Variants in EYS observed in about 807,000 individuals in gnomAD.
EYS encodes the protein protein eyes shut homolog.
In EYS, 250 loss-of-function variants were observed where a neutral mutation model predicts 282.1. The observed-to-expected ratio is 0.89, with a 90% CI of 0.80 to 0.98. The LOEUF is 0.98. Ranked by LOEUF, EYS falls within the 50% of genes least tolerant of loss-of-function variation. EYS has a pLI of 0.00. For missense variants in EYS, 4,016 were observed against 3,709.0 expected, an observed-to-expected ratio of 1.08 and a Z score of -2.15; for synonymous variants, 1,355 against 1,282.9, an observed-to-expected ratio of 1.06 and a Z score of -1.20.
At chr6:65,472,091 C>A (rs1301345105) in intron 5 of EYS, among the ~76,000 whole-genome samples, 1 of 152,044 alleles carries the variant, frequency 6.6e-6, no homozygotes, top group African/African-American at 2.4e-5. Flanking sequence ...ATCATATTGT[C>A]AGTTTCCATG....
At position 64,436,199 on chromosome 6, in the gene EYS, C is replaced by T. The variant is rs992864714; in HGVS notation, c.5902G>A (p.Gly1968Arg). 2.7e-5 allele frequency: 42 copies of T among 1,541,502 alleles called. No homozygotes were observed. Among genetic ancestry groups the T allele is most frequent in the East Asian group, 1.2e-4 (5 of 40,634 alleles). Reference sequence around the variant, plus strand: ...CTGATAAGCAGTGTATACTTTTGCCCGTTGTCCACTCTAACAGTAGTATTA... The same window carrying T: ...CTGATAAGCAGTGTATACTTTTGCCTGTTGTCCACTCTAACAGTAGTATTA... ...SINTTVRVDNGQKYTLLIRQE... is the reference protein window; with the variant it reads ...SINTTVRVDNRQKYTLLIRQE... Residue 1968 changes from glycine (G) to arginine (R), a missense_variant, in exon 28 of 43, where the codon GGG becomes AGG. Gly to Arg is a moderately radical substitution (Grantham distance 125). Coordinates refer to ENST00000503581, the MANE Select transcript of EYS (RefSeq NM_001142800.2).
intron 12 of EYS, among the ~76,000 whole-genome samples, chr6:65,196,494 T>G (rs1229486260): frequency 6.6e-6 from 1 of 152,112 alleles, no homozygotes; most frequent in East Asian, 1.9e-4. Flanking sequence ...ACTCATTCAA[T>G]CACCTGCATA....
At chr6:65,465,419 G>A (rs746486433) in intron 5 of EYS, among the ~76,000 whole-genome samples, 4 of 152,106 alleles carry the variant, frequency 2.6e-5, no homozygotes, top group Non-Finnish European at 4.4e-5. Context: ...CCAGGTGGCA[G>A]TGAGCCACGA....
Position 63,863,638 on chromosome 6 carries a change from T to TTTTTCTTTTCTTTTC in EYS, c.7228+533_7228+547dup, listed in dbSNP as rs144436872. ...AACCTCAGGGAAAACTCATTACCACTTTTTCTTTTCTTTTCTTTTCTTTTC... is the reference window on the plus strand; with the variant it reads ...AACCTCAGGGAAAACTCATTACCACTTTTTCTTTTCTTTTCTTTTCTTTTCTTTTCTTTTCTTTTC... On this transcript the variant is annotated intron_variant, in intron 36 of 42. Coordinates refer to ENST00000503581, the MANE Select transcript of EYS (RefSeq NM_001142800.2). Among the ~76,000 whole-genome samples the TTTTTCTTTTCTTTTC allele has an allele frequency of 3.4e-4, 42 of 123,732 alleles. 10 individuals carry two copies. Among genetic ancestry groups the TTTTTCTTTTCTTTTC allele is most frequent in the East Asian group, 1.6e-3 (7 of 4,308 alleles). The allele number at this position is 123,732 out of a possible 152,430, so 81.2% of individuals were successfully genotyped here. A position where few individuals can be genotyped will look rare whatever the true frequency, so the allele number is the denominator to read the frequency against.
Position 65,105,767 on chromosome 6 carries a change from G to A in EYS, c.2024-48040C>T, listed in dbSNP as rs189270965. Reference sequence around the variant, plus strand: ...AAGAGATTCAGAGAAAAAGTCATGAGTATGTGATTCCTCTTTGAGGAGACA... The same window carrying A: ...AAGAGATTCAGAGAAAAAGTCATGAATATGTGATTCCTCTTTGAGGAGACA... On this transcript the variant is annotated intron_variant, in intron 12 of 42. Transcript: ENST00000503581. Among the ~76,000 whole-genome samples the A allele has an allele frequency of 2.8e-4, 43 of 152,010 alleles. No individual in the cohort carries two copies. In the East Asian group the frequency reaches 8.3e-3, roughly 29 times the overall value.
chr6:63,790,218 T>A (rs755527695), intron 37 of EYS, among the ~76,000 whole-genome samples: 3 of 152,130 alleles, frequency 2.0e-5, no homozygotes, highest in Non-Finnish European at 4.4e-5. Context: ...CCTTCTGCAT[T>A]TATAGGAATG....
chr6:64,939,221 T>C (rs1038078967), intron 15 of EYS, among the ~76,000 whole-genome samples: 2 of 151,772 alleles, frequency 1.3e-5, no homozygotes, highest in African/African-American at 2.4e-5. Flanking sequence ...AGAAGCACAT[T>C]CAGAAAATCT....
At chr6:65,260,022 A>G (rs1767579078) in intron 12 of EYS, among the ~76,000 whole-genome samples, 1 of 152,040 alleles carries the variant, frequency 6.6e-6, no homozygotes, top group African/African-American at 2.4e-5. Flanking sequence ...GGTAATTTGT[A>G]AAGTAAAGAG....
intron 31 of EYS, among the ~76,000 whole-genome samples, chr6:64,209,303 AAG>A (rs1475198803): frequency 1.3e-5 from 2 of 152,184 alleles, no homozygotes; most frequent in Non-Finnish European, 2.9e-5. Context: ...TAATATTTCA[AAG>A]AGAGCATAAT....
At chr6:65,077,474 G>C (rs112272157) in intron 12 of EYS, among the ~76,000 whole-genome samples, 1,745 of 152,158 alleles carry the variant, frequency 0.011, 31 homozygotes, top group African/African-American at 0.038. Context: ...ATGGTATTAA[G>C]AGAAAATTTA....
chr6:64,462,606 A>G (rs1775783434), intron 26 of EYS, among the ~76,000 whole-genome samples: 1 of 152,090 alleles, frequency 6.6e-6, no homozygotes, highest in African/African-American at 2.4e-5. Flanking sequence ...GCTATCAATC[A>G]TCATGCTTCA....
intron 22 of EYS, among the ~76,000 whole-genome samples, chr6:64,758,459 A>G (rs1290078774): frequency 6.6e-6 from 1 of 152,112 alleles, no homozygotes; most frequent in African/African-American, 2.4e-5. Flanking sequence ...TAGAGACATG[A>G]CTAGACTCAA....
chr6:65,306,043 T>C (rs1216844244), intron 11 of EYS, among the ~76,000 whole-genome samples: 1 of 152,232 alleles, frequency 6.6e-6, no homozygotes. Context: ...TCATATCACC[T>C]CAAGGTTTAG....
intron 12 of EYS, among the ~76,000 whole-genome samples, chr6:65,257,944 CTG>C (rs1457279853): frequency 2.6e-5 from 4 of 151,596 alleles, no homozygotes. Context: ...GATCAGGTGA[CTG>C]TAGTCAACAA....
intron 33 of EYS, among the ~76,000 whole-genome samples, chr6:64,039,372 T>C (rs1315907113): frequency 6.6e-6 from 1 of 152,180 alleles, no homozygotes; most frequent in Non-Finnish European, 1.5e-5. Flanking sequence ...TTCTGAGGCA[T>C]GGTATTGCAA....
In EYS at chr6:64,335,043, G is replaced by A. The variant is rs547018455; in HGVS notation, c.6079-27961C>T. Among the ~76,000 whole-genome samples the A allele has an allele frequency of 7.2e-5, 11 of 152,102 alleles. No individual in the cohort carries two copies. The East Asian group carries it at 1.6e-3, about 21-fold the overall frequency. On this transcript the variant is annotated intron_variant, in intron 29 of 42. Coordinates refer to ENST00000503581, the MANE Select transcript of EYS (RefSeq NM_001142800.2). ...ATATCACCACCCGAATAATGGTTCTGCAAAAGTACCAACTGGTATCCCAAG... is the reference window on the plus strand; with the variant it reads ...ATATCACCACCCGAATAATGGTTCTACAAAAGTACCAACTGGTATCCCAAG...
intron 7 of EYS, among the ~76,000 whole-genome samples, chr6:65,396,675 T>C (rs1766290493): frequency 6.6e-6 from 1 of 152,098 alleles, no homozygotes; most frequent in Non-Finnish European, 1.5e-5. Context: ...TTTAAATCCA[T>C]GTTCGCTAAC....
At chr6:65,186,860 T>C (rs1241706977) in intron 12 of EYS, among the ~76,000 whole-genome samples, 2 of 151,752 alleles carry the variant, frequency 1.3e-5, no homozygotes, top group Non-Finnish European at 2.9e-5. Context: ...TTTGATGATA[T>C]TGGATATATT....
chr6:64,529,086 T>A (rs1223434331), intron 26 of EYS, among the ~76,000 whole-genome samples: 1 of 152,024 alleles, frequency 6.6e-6, no homozygotes, highest in East Asian at 1.9e-4. Context: ...ACAGAACCAG[T>A]GTTCCCTAGG....
Sources: allele counts gnomAD v4.1 joint callset (sites outside exome capture counted in the v4.1 genomes callset), GRCh38; gene constraint gnomAD v4.1.1; transcripts MANE v1.5; gene names NCBI Gene and HGNC (gene_info 2026-07-23, HGNC 2026-07-21).